The following OTUD7A variants were observed in gnomAD, a reference collection of about 807,000 sequenced individuals.
OTUD7A encodes OTU domain-containing protein 7A.
Under a neutral mutation model 65.7 loss-of-function variants are expected in OTUD7A, and 12 were observed. That is an observed-to-expected ratio of 0.18 (90% CI 0.12 to 0.30). OTUD7A has a LOEUF of 0.30. Among genes scored for constraint, OTUD7A ranks in the 10% least tolerant of loss-of-function variants. The pLI is 1.00. For synonymous variants in OTUD7A, 641 were observed against 586.3 expected (o/e 1.09, Z -1.35); for missense variants, 1,148 against 1,304.8 (o/e 0.88, Z 1.85).
intron 1 of OTUD7A, among the ~76,000 whole-genome samples, chr15:31,824,039 A>G (rs1325342354): frequency 1.3e-5 from 2 of 152,194 alleles, no homozygotes; most frequent in South Asian, 2.1e-4. Flanking sequence ...AGGTAGGCGA[A>G]AAGACGAAGA....
intron 3 of OTUD7A, among the ~76,000 whole-genome samples, chr15:31,589,304 T>G (rs916936124): frequency 1.4e-5 from 1 of 69,744 alleles, no homozygotes; most frequent in African/African-American, 1.3e-4. Context: ...TTTTTCTGGG[T>G]TTTTTTTTTT....
At chr15:31,637,124 T>C (rs1891366696) in intron 3 of OTUD7A, among the ~76,000 whole-genome samples, 1 of 152,234 alleles carries the variant, frequency 6.6e-6, no homozygotes, top group South Asian at 2.1e-4. Flanking sequence ...AACACAGCCC[T>C]CTATTGGAAG....
intron 3 of OTUD7A, among the ~76,000 whole-genome samples, chr15:31,634,055 G>C (rs1891261787): frequency 6.6e-6 from 1 of 152,146 alleles, no homozygotes; most frequent in African/African-American, 2.4e-5. Context: ...AAATACACCA[G>C]ACACAGACAA....
chr15:31,775,109 CA>C (rs1210662141), intron 1 of OTUD7A, among the ~76,000 whole-genome samples: 5 of 151,948 alleles, frequency 3.3e-5, no homozygotes, highest in Non-Finnish European at 5.9e-5. Context: ...CACACACACA[CA>C]CACACACACC....
intron 3 of OTUD7A, among the ~76,000 whole-genome samples, chr15:31,576,388 A>G (rs1171347770): frequency 1.3e-5 from 2 of 152,226 alleles, no homozygotes; most frequent in African/African-American, 2.4e-5. Context: ...AGACTAAGGC[A>G]TAAGTGATTA....
At chr15:31,564,846 G>T (rs571026209) in intron 4 of OTUD7A, among the ~76,000 whole-genome samples, 2 of 152,238 alleles carry the variant, frequency 1.3e-5, no homozygotes, top group South Asian at 2.1e-4. Flanking sequence ...CAGAAAAAAT[G>T]ATATTTCTGG....
intron 1 of OTUD7A, among the ~76,000 whole-genome samples, chr15:31,781,449 A>G (rs1895537280): frequency 6.6e-6 from 1 of 152,158 alleles, no homozygotes; most frequent in African/African-American, 2.4e-5. Context: ...TGGACCACAC[A>G]GGAGCCATCC....
chr15:31,512,461 G>A (rs756619031), intron 8 of OTUD7A, among the ~76,000 whole-genome samples: 1 of 152,112 alleles, frequency 6.6e-6, no homozygotes, highest in Non-Finnish European at 1.5e-5. Context: ...TTTTTAGCGA[G>A]GCCATTTTTT....
chr15:31,519,753 A>G (rs2041913427), intron 8 of OTUD7A, among the ~76,000 whole-genome samples: 1 of 152,256 alleles, frequency 6.6e-6, no homozygotes, highest in African/African-American at 2.4e-5. Context: ...AGAAAACCAT[A>G]AAGACTCTAC....
chr15:31,868,558 T>C (rs74510212), intron 1 of OTUD7A, among the ~76,000 whole-genome samples: 1 of 152,136 alleles, frequency 6.6e-6, no homozygotes, highest in East Asian at 1.9e-4. Flanking sequence ...AGCAGTGTCA[T>C]CCAAAAGCAG....
At chr15:31,770,773 G>T (rs1231984165) in intron 1 of OTUD7A, among the ~76,000 whole-genome samples, 1 of 152,158 alleles carries the variant, frequency 6.6e-6, no homozygotes, top group Non-Finnish European at 1.5e-5. Flanking sequence ...ATGATATTAT[G>T]TTAACAGAAT....
intron 1 of OTUD7A, among the ~76,000 whole-genome samples, chr15:31,736,892 G>A (rs1894208614): frequency 6.6e-6 from 1 of 152,040 alleles, no homozygotes; most frequent in African/African-American, 2.4e-5. Context: ...CACAATCTTG[G>A]CTCACTACAA....
chr15:31,756,581 C>A (rs953873291), intron 1 of OTUD7A, among the ~76,000 whole-genome samples: 1 of 151,818 alleles, frequency 6.6e-6, no homozygotes, highest in Non-Finnish European at 1.5e-5. Context: ...CATCCATTCA[C>A]TGGGTCCTTT....
At chr15:31,539,977 A>G (rs763232915) in intron 5 of OTUD7A, among the ~76,000 whole-genome samples, 2 of 152,216 alleles carry the variant, frequency 1.3e-5, no homozygotes, top group Non-Finnish European at 2.9e-5. Context: ...ATGTAAATTA[A>G]CTCATTTGTC....
chr15:31,598,923 C>T (rs1361894217), intron 3 of OTUD7A, among the ~76,000 whole-genome samples: 2 of 152,098 alleles, frequency 1.3e-5, no homozygotes, highest in Non-Finnish European at 2.9e-5. Context: ...CATCACAGCT[C>T]AGCAAGGCCG....
At chr15:31,816,909 C>A (rs1896564456) in intron 1 of OTUD7A, among the ~76,000 whole-genome samples, 1 of 152,164 alleles carries the variant, frequency 6.6e-6, no homozygotes, top group Admixed American at 6.5e-5. Flanking sequence ...ATATGAACCG[C>A]AAGAAGGTGT....
At position 31,820,220 on chromosome 15, in the gene OTUD7A, CTG is replaced by C. The variant is rs765975266; in HGVS notation, c.-100+50285_-100+50286del. Among the ~76,000 whole-genome samples, 118 of 152,306 alleles carry C rather than the reference CTG, an allele frequency of 7.7e-4. 1 individual carries two copies. The highest frequency in any genetic ancestry group is 3.4e-3 in the Middle Eastern group (1 of 294). ...CATATAAATTACTACTGAAAAGTAACTGAGACTGTCTATAAGATGACTTCAAG... is the reference window on the plus strand; with the variant it reads ...CATATAAATTACTACTGAAAAGTAACAGACTGTCTATAAGATGACTTCAAG... On this transcript the variant is annotated intron_variant, in intron 1 of 12. Coordinates refer to ENST00000307050, the MANE Select transcript of OTUD7A (RefSeq NM_001382637.1).
chr15:31,718,150 T>C (rs1029353542), intron 1 of OTUD7A, among the ~76,000 whole-genome samples: 1 of 152,230 alleles, frequency 6.6e-6, no homozygotes, highest in Non-Finnish European at 1.5e-5. Flanking sequence ...TCCATGTTGA[T>C]GATGCTTATG....
At chr15:31,689,940 G>A (rs141411166) in intron 1 of OTUD7A, among the ~76,000 whole-genome samples, 71 of 152,350 alleles carry the variant, frequency 4.7e-4, no homozygotes, top group African/African-American at 1.7e-3. Flanking sequence ...GTTCCACACA[G>A]TGGAACCAGG....
Sources: allele counts gnomAD v4.1 joint callset (sites outside exome capture counted in the v4.1 genomes callset), GRCh38; gene constraint gnomAD v4.1.1; transcripts MANE v1.5; gene names NCBI Gene and HGNC (gene_info 2026-07-23, HGNC 2026-07-21).